The following ZNF433 variants were observed in gnomAD, a reference collection of about 807,000 sequenced individuals.
The protein encoded by ZNF433 is zinc finger protein 433.
In ZNF433, 12 loss-of-function variants were observed where a neutral mutation model predicts 10.6. That is an observed-to-expected ratio of 1.13 (90% CI 0.72 to 1.83). The LOEUF is 1.83. ZNF433 is among the 40% of genes most tolerant of loss of function. ZNF433 has a pLI of 0.00. For missense variants in ZNF433, 737 were observed against 798.0 expected (o/e 0.92, Z 0.92); for synonymous variants, 272 against 271.3 (o/e 1.00, Z -0.02).
intron 1 of ZNF433, chr19:12,024,165 A>G (rs1032429703): frequency 6.6e-6 from 1 of 152,208 alleles, no homozygotes; most frequent in Non-Finnish European, 1.5e-5. Flanking sequence ...CAGTCTTCGT[A>G]ATTAAGAAAA....
intron 1 of ZNF433, among the ~76,000 whole-genome samples, chr19:12,031,124 C>T (rs551298126): frequency 6.6e-6 from 1 of 151,966 alleles, no homozygotes; most frequent in South Asian, 2.1e-4. Flanking sequence ...GGTGAAACCC[C>T]GTCTCTACTA....
intron 2 of ZNF433, 46 bp downstream of exon 2, chr19:12,018,096 TACTTGTTCTCAGAAAAAAAAAAAA>T (rs1375860326): frequency 2.0e-6 from 3 of 1,491,270 alleles, no homozygotes; most frequent in East Asian, 4.6e-5. Flanking sequence ...GAGCTAAAAA[TACTTGTTCTCAGAAAAAAAAAAAA>T]ACTTGTTGTC....
chr19:12,021,235 CCT>C (rs1974480622), intron 1 of ZNF433, among the ~76,000 whole-genome samples: 1 of 152,082 alleles, frequency 6.6e-6, no homozygotes. Context: ...CCCACCTCAG[CCT>C]CCCAAAGTGC....
intron 1 of ZNF433, among the ~76,000 whole-genome samples, chr19:12,020,066 G>A (rs761782299): frequency 1.3e-5 from 2 of 152,172 alleles, no homozygotes; most frequent in Non-Finnish European, 2.9e-5. Flanking sequence ...GAGGTCAGGG[G>A]TTCAGGACCA....
At chr19:12,033,617 T>TC (rs932355183) in intron 1 of ZNF433, among the ~76,000 whole-genome samples, 2 of 152,048 alleles carry the variant, frequency 1.3e-5, no homozygotes, top group African/African-American at 4.8e-5. Flanking sequence ...GGTCAGGAGA[T>TC]CAAGACCATC....
intron 1 of ZNF433, among the ~76,000 whole-genome samples, chr19:12,021,774 G>C (rs1382259974): frequency 6.6e-6 from 1 of 152,006 alleles, no homozygotes; most frequent in Non-Finnish European, 1.5e-5. Context: ...CTCTCCCTGT[G>C]GGGAGACAGC....
chr19:12,018,011 G>A, intron 2 of ZNF433, 75 bp from the exon 3 acceptor site: 5 of 1,299,774 alleles, frequency 3.8e-6, no homozygotes, highest in South Asian at 1.4e-5. Context: ...CTATGTTCAT[G>A]GTACACTGCA....
At chr19:12,035,262 GGGGAGA>G (rs1975232369) in intron 1 of ZNF433, among the ~76,000 whole-genome samples, 1 of 152,166 alleles carries the variant, frequency 6.6e-6, no homozygotes, top group South Asian at 2.1e-4. Context: ...CGCACAATGT[GGGGAGA>G]CGCGGGGCAG....
intron 1 of ZNF433, chr19:12,025,340 T>C (rs925374563): frequency 1.3e-5 from 2 of 152,198 alleles, no homozygotes; most frequent in East Asian, 1.9e-4. Context: ...CAGTTAGAAA[T>C]AGAATACACC....
In ZNF433 at chr19:12,016,266, T is replaced by G; in HGVS notation, c.592A>C (p.Lys198Gln). Residue 198 changes from lysine (K) to glutamine (Q), a missense_variant, in exon 4 of 4, where the codon AAA becomes CAA. By Grantham distance (53) the Lys-to-Gln change is moderately conservative. Coordinates refer to ENST00000550507, the MANE Select transcript of ZNF433 (RefSeq NM_001308348.2). ...AACATCAAGGCTTTCCCACAAAATT[T>G]ACACTTATAAGGTCCATCTCCACGG... is the stretch of plus-strand genomic sequence containing the variant. ...MHRGDGPYKC[K>Q]FCGKALMFLS... is the part of the protein sequence containing the mutation. The G allele has an allele frequency of 1.9e-6, 3 of 1,614,226 alleles. No homozygotes were observed. Among genetic ancestry groups the G allele is most frequent in the Non-Finnish European group, 2.5e-6 (3 of 1,180,034 alleles).
At chr19:12,031,132 C>T (rs1169737643) in intron 1 of ZNF433, among the ~76,000 whole-genome samples, 1 of 151,898 alleles carries the variant, frequency 6.6e-6, no homozygotes, top group Non-Finnish European at 1.5e-5. Context: ...CCCGTCTCTA[C>T]TAAAAATACA....
chr19:12,031,344 C>T (rs1975020140), intron 1 of ZNF433, among the ~76,000 whole-genome samples: 1 of 142,366 alleles, frequency 7.0e-6, no homozygotes, highest in Admixed American at 7.0e-5. Context: ...AGCTGACCAA[C>T]ATTCATGTTA....
At chr19:12,034,764 T>G (rs1344090624) in intron 1 of ZNF433, 4 of 453,400 alleles carry the variant, frequency 8.8e-6, no homozygotes, top group African/African-American at 8.0e-5. Flanking sequence ...TCAGAATCCC[T>G]CAACCACCTG....
intron 1 of ZNF433, among the ~76,000 whole-genome samples, chr19:12,033,335 G>A (rs1975118894): frequency 6.6e-6 from 1 of 152,114 alleles, no homozygotes; most frequent in Non-Finnish European, 1.5e-5. Flanking sequence ...GGCCTCAAGT[G>A]ATCTACCCAC....
intron 1 of ZNF433, among the ~76,000 whole-genome samples, chr19:12,021,139 C>T (rs1974475252): frequency 6.6e-6 from 1 of 151,670 alleles, no homozygotes; most frequent in Admixed American, 6.6e-5. Flanking sequence ...ACCACTATAC[C>T]CGGCTAATTT....
intron 1 of ZNF433, chr19:12,026,381 C>G (rs796163344): frequency 3.3e-6 from 1 of 302,464 alleles, no homozygotes; most frequent in South Asian, 2.7e-5. Context: ...GAAGCTGTCA[C>G]AGATGGCAGA....
intron 1 of ZNF433, chr19:12,023,365 A>G (rs1974587585): frequency 6.6e-6 from 1 of 152,210 alleles, no homozygotes; most frequent in African/African-American, 2.4e-5. Context: ...TCAGATTACA[A>G]TGGGAAATTC....
intron 1 of ZNF433, among the ~76,000 whole-genome samples, chr19:12,028,889 T>C (rs1197549344): frequency 6.6e-6 from 1 of 152,130 alleles, no homozygotes; most frequent in Non-Finnish European, 1.5e-5. Flanking sequence ...CGGGGTCTCT[T>C]TATGTTGTCC....
chr19:12,017,796 T>TC, intron 3 of ZNF433, 80 bp downstream of exon 3: 1 of 918,050 alleles, frequency 1.1e-6, no homozygotes, highest in East Asian at 2.6e-5. Flanking sequence ...TTCTTTTGTT[T>TC]CCTTTTTTTT....
Sources: gnomAD v4.1 joint callset for allele counts (sites outside exome capture counted in the v4.1 genomes callset) on GRCh38, gnomAD v4.1.1 for gene constraint, MANE v1.5 for transcripts, NCBI Gene and HGNC (gene_info 2026-07-23, HGNC 2026-07-21) for gene names.